Variants in TP53BP2 observed in about 807,000 individuals in gnomAD.
TP53BP2 encodes tumor protein p53 binding protein 2, also known as apoptosis-stimulating of p53 protein 2.
In TP53BP2, 62 loss-of-function variants were observed where a neutral mutation model predicts 126.2. The ratio of observed to expected loss-of-function variants is 0.49; its 90% confidence interval spans 0.40 to 0.61. The LOEUF (loss-of-function observed/expected upper bound fraction) is 0.61, where lower values mean the gene tolerates loss of function less well. Among genes scored for constraint, TP53BP2 ranks in the 20% least tolerant of loss-of-function variants. The pLI, the probability that TP53BP2 is intolerant of heterozygous loss-of-function variation, is 0.00. For missense variants in TP53BP2, 1,215 were observed against 1,402.8 expected (o/e 0.87, Z 2.14); for synonymous variants, 485 against 502.9 (o/e 0.96, Z 0.48).
chr1:223,845,921 C>A lies in TP53BP2; in HGVS notation c.-241G>T, dbSNP rs1419193454. The A allele has an allele frequency of 2.7e-5, 7 of 260,218 alleles. No individual in the cohort carries two copies. The highest frequency in any genetic ancestry group is 1.6e-4 in the South Asian group (1 of 6,404). 16.1% of individuals were successfully genotyped at this position (260,218 alleles called of 1,614,324 possible). ...TTGTCTCTTCGACGCTCGTGACGGT[C>A]GGGGCTCCCTCCTCCGCTCCGAAAC... On this transcript the variant is annotated 5_prime_UTR_variant, in exon 1 of 18. Transcript: ENST00000343537.
intron 1 of TP53BP2, among the ~76,000 whole-genome samples, chr1:223,839,467 A>G (rs890075446): frequency 6.6e-6 from 1 of 152,204 alleles, no homozygotes; most frequent in Non-Finnish European, 1.5e-5. Context: ...AAGAACAGTA[A>G]ATTGCCTTAA....
At chr1:223,822,219 A>AG (rs760622070) in intron 1 of TP53BP2, among the ~76,000 whole-genome samples, 149 of 152,202 alleles carry the variant, frequency 9.8e-4, no homozygotes, top group Non-Finnish European at 1.7e-3. Flanking sequence ...CGGCCAAAAA[A>AG]TTGTACTTCT....
At position 223,786,589 on chromosome 1, in the gene TP53BP2, T is replaced by C. The variant is rs551305550; in HGVS notation, c.3164-2275A>G. The stretch of plus-strand genomic sequence containing the variant: ...GTGTGTGTGCGTGTGTGCGTGTGTG[T>C]GTGTGTGTGTGTGTGTGTATATTTT... On this transcript the variant is annotated intron_variant, in intron 16 of 17. Transcript: ENST00000343537. 1.0e-4 allele frequency among the ~76,000 whole-genome samples: 15 copies of C among 149,228 alleles called. No homozygotes were observed. The East Asian group carries it at 1.4e-3, about 14-fold the overall frequency.
At chr1:223,839,206 G>A (rs553446721) in intron 1 of TP53BP2, among the ~76,000 whole-genome samples, 1 of 152,248 alleles carries the variant, frequency 6.6e-6, no homozygotes, top group Non-Finnish European at 1.5e-5. Flanking sequence ...CAGACAGTTC[G>A]AATCTCATTT....
At chr1:223,836,151 C>G (rs1247493709) in intron 1 of TP53BP2, among the ~76,000 whole-genome samples, 1 of 152,228 alleles carries the variant, frequency 6.6e-6, no homozygotes, top group Non-Finnish European at 1.5e-5. Flanking sequence ...TCCCAACCCA[C>G]AAGCCACGAA....
At position 223,814,531 on chromosome 1, in the gene TP53BP2, C is replaced by T. The variant is rs1363041622; in HGVS notation, c.176-178G>A. On this transcript the variant is annotated intron_variant, in intron 2 of 17. Coordinates refer to ENST00000343537, the MANE Select transcript of TP53BP2 (RefSeq NM_001031685.3). ...ACTGAAGTCACACAGATTTTCCACA[C>T]ACACAGAGTCAAGCCAGGGTGGAAT... 2.0e-5 allele frequency among the ~76,000 whole-genome samples: 3 copies of T among 152,164 alleles called. No individual in the cohort carries two copies. In the East Asian group the frequency reaches 5.8e-4, roughly 29 times the overall value.
At position 223,825,053 on chromosome 1, in the gene TP53BP2, A is replaced by C. The variant is rs574293261; in HGVS notation, c.28-3686T>G. On this transcript the variant is annotated intron_variant, in intron 1 of 17. Transcript: ENST00000343537. ...CACACACACACACACACACACACAC[A>C]CCCTAGCCCATTCTTCTGCTTTATT... Among the ~76,000 whole-genome samples the C allele has an allele frequency of 7.9e-4, 118 of 148,846 alleles. No homozygotes were observed. The South Asian group carries it at 0.013, about 16-fold the overall frequency.
chr1:223,790,191 G>T (rs909744000), intron 15 of TP53BP2, among the ~76,000 whole-genome samples: 1 of 151,808 alleles, frequency 6.6e-6, no homozygotes, highest in Non-Finnish European at 1.5e-5. Flanking sequence ...AGGAGGTGGA[G>T]GTTGCAGTGA....
chr1:223,792,173 T>G (rs1268610876), intron 15 of TP53BP2, among the ~76,000 whole-genome samples: 1 of 152,168 alleles, frequency 6.6e-6, no homozygotes, highest in East Asian at 1.9e-4. Flanking sequence ...ACTAAACTTT[T>G]TAAAACTCCA....
chr1:223,831,480 A>ATATATAT (rs1553263390), intron 1 of TP53BP2, among the ~76,000 whole-genome samples: 31 of 32,398 alleles, frequency 9.6e-4, no homozygotes, highest in South Asian at 1.3e-3. Context: ...AAAAAAAAAA[A>ATATATAT]ATATATATAT....
intron 7 of TP53BP2, 135 bp downstream of exon 7, chr1:223,803,133 TGGA>T: frequency 3.6e-6 from 4 of 1,099,044 alleles, no homozygotes; most frequent in Non-Finnish European, 5.2e-6. Context: ...CTGGATTCTC[TGGA>T]GTTTGGGTTC....
At chr1:223,822,180 C>A (rs1192023100) in intron 1 of TP53BP2, among the ~76,000 whole-genome samples, 1 of 152,098 alleles carries the variant, frequency 6.6e-6, no homozygotes, top group Non-Finnish European at 1.5e-5. Context: ...TCCCAAAGTG[C>A]TGGGATTACA....
Position 223,804,226 on chromosome 1 carries a change from C to T in TP53BP2, c.597G>A (p.Val199=). The T allele has an allele frequency of 6.2e-7, 1 of 1,614,138 alleles. No individual in the cohort carries two copies. ...GTTCCACGTGGCCTTTAAGTGCTCT[C>T]ACTTTTTTTAGCTTAGCTTCCTGAT... The part of the protein sequence containing the change: ...AENQEAKLKK[V]RALKGHVEQK... Residue 199 remains valine, a synonymous_variant, in exon 6 of 18, where the codon GTG becomes GTA. Coordinates refer to ENST00000343537, the MANE Select transcript of TP53BP2 (RefSeq NM_001031685.3).
At chr1:223,794,333 C>T (rs965954260) in intron 13 of TP53BP2, among the ~76,000 whole-genome samples, 3 of 152,108 alleles carry the variant, frequency 2.0e-5, no homozygotes, top group Non-Finnish European at 4.4e-5. Flanking sequence ...AAACATTAAG[C>T]GACAATACAT....
Position 223,798,456 on chromosome 1 carries a change from G to A in TP53BP2, c.1707C>T (p.Gly569=), listed in dbSNP as rs146508776. 2,099 of 1,614,156 alleles carry A rather than the reference G, an allele frequency of 1.3e-3. 39 individuals are homozygous for A. In the Admixed American group the frequency reaches 0.032, roughly 25 times the overall value. The change falls in exon 12 of 18, where the codon GGC becomes GGT. Residue 569 remains glycine, a synonymous_variant. Transcript: ENST00000343537. The part of the protein sequence containing the change: ...VLLSPSIPSV[G]QDQTLSPGSK... ...AACCTGGAGAAAGGGTCTGGTCTTG[G>A]CCAACCGAAGGTATGCTGGGAGATA... is the stretch of plus-strand genomic sequence containing the variant.
intron 4 of TP53BP2, 73 bp from the exon 5 acceptor site, chr1:223,807,020 G>A (rs1662747097): frequency 8.4e-7 from 1 of 1,189,222 alleles, no homozygotes; most frequent in Non-Finnish European, 1.2e-6. Context: ...GCCCTCAAAG[G>A]TCTATGTAAA....
At chr1:223,803,189 C>G (rs1209396103) in intron 7 of TP53BP2, 82 bp downstream of exon 7, 1 of 1,467,324 alleles carries the variant, frequency 6.8e-7, no homozygotes, top group Non-Finnish European at 9.2e-7. Flanking sequence ...CAACTGAAAT[C>G]TAGCACCTCT....
At chr1:223,840,723 C>G in intron 1 of TP53BP2, among the ~76,000 whole-genome samples, 1 of 152,186 alleles carries the variant, frequency 6.6e-6, no homozygotes, top group African/African-American at 2.4e-5. Flanking sequence ...GGGATAAAGA[C>G]GGAGGGAACA....
At chr1:223,838,851 T>C (rs1278757658) in intron 1 of TP53BP2, among the ~76,000 whole-genome samples, 5 of 152,160 alleles carry the variant, frequency 3.3e-5, no homozygotes, top group Non-Finnish European at 5.9e-5. Context: ...GAGATCTCTA[T>C]GGTAATATTA....
Sources: allele counts gnomAD v4.1 joint callset (sites outside exome capture counted in the v4.1 genomes callset), GRCh38; gene constraint gnomAD v4.1.1; transcripts MANE v1.5; gene names NCBI Gene and HGNC (gene_info 2026-07-23, HGNC 2026-07-21).